The following GEM variants were observed in gnomAD, a reference collection of about 807,000 sequenced individuals.
The protein encoded by GEM is GTP binding protein overexpressed in skeletal muscle, also known as GTP-binding protein GEM.
In GEM, 31 loss-of-function variants were observed where a neutral mutation model predicts 33.0. The ratio of observed to expected loss-of-function variants is 0.94; its 90% CI spans 0.71 to 1.27. GEM has a LOEUF of 1.27. Ranked by LOEUF, GEM falls within the 50% of genes most tolerant of loss-of-function variation. The pLI is 0.00. For synonymous variants in GEM, 141 were observed against 143.7 expected (o/e 0.98, Z 0.13); for missense variants, 354 against 390.5 (o/e 0.91, Z 0.79).
chr8:94,261,158 A>T (rs75262089), intron 1 of GEM, among the ~76,000 whole-genome samples: 1 of 151,930 alleles, frequency 6.6e-6, no homozygotes, highest in Non-Finnish European at 1.5e-5. Context: ...GTAGGGGGGA[A>T]ATTTTCTGTT....
intron 4 of GEM, 90 bp downstream of exon 4, chr8:94,251,929 G>T: frequency 1.0e-6 from 1 of 978,128 alleles, no homozygotes; most frequent in Non-Finnish European, 1.6e-6. Flanking sequence ...CCTAGATCCA[G>T]CCTCGTGGAA....
chr8:94,253,357 G>A (rs1269224312), intron 2 of GEM, among the ~76,000 whole-genome samples: 1 of 152,160 alleles, frequency 6.6e-6, no homozygotes, highest in Admixed American at 6.5e-5. Flanking sequence ...AAACCACATG[G>A]AGTAAAAGGC....
chr8:94,252,310 A>C, intron 3 of GEM, 87 bp from the exon 4 acceptor site: 1 of 890,794 alleles, frequency 1.1e-6, no homozygotes, highest in African/African-American at 1.6e-5. Context: ...GTGTATCCTA[A>C]AGTACACTTG....
chr8:94,257,864 TA>T (rs763584978), intron 2 of GEM, among the ~76,000 whole-genome samples: 4,202 of 144,990 alleles, frequency 0.029, 179 homozygotes, highest in African/African-American at 0.094. Flanking sequence ...AATGCTGATT[TA>T]AAAAAAAAAA....
At chr8:94,259,669 T>A (rs1808973331) in intron 2 of GEM, 1 of 152,546 alleles carries the variant, frequency 6.6e-6, no homozygotes, top group South Asian at 2.1e-4. Flanking sequence ...CTTCACATTT[T>A]AAAAAATTAT....
rs1033309322 is a variant in GEM, at chr8:94,250,137, T to A, written c.*173A>T. ...TTCCTGGAAATAAATACTGACTTTT[T>A]ACAAAAATCTTTCATTTCCCATGCA... On this transcript the variant is annotated 3_prime_UTR_variant, in exon 5 of 5. Coordinates refer to ENST00000297596, the MANE Select transcript of GEM (RefSeq NM_005261.4). 9 of 602,322 alleles carry A rather than the reference T, an allele frequency of 1.5e-5. No individual in the cohort carries two copies. Among genetic ancestry groups the A allele is most frequent in the Middle Eastern group, 8.8e-4 (2 of 2,266 alleles). 37.3% of individuals were successfully genotyped at this position (602,322 alleles called of 1,614,324 possible). A position where few individuals can be genotyped will look rare whatever the true frequency, so the allele number is the denominator to read the frequency against.
intron 2 of GEM, among the ~76,000 whole-genome samples, chr8:94,255,010 ACT>A (rs764571997): frequency 1.3e-5 from 2 of 152,152 alleles, no homozygotes; most frequent in Non-Finnish European, 2.9e-5. Context: ...CGCAAGGGAG[ACT>A]GTCAGAGCCT....
Position 94,252,143 on chromosome 8 carries a change from C to T in GEM, c.489G>A (p.Ala163=), listed in dbSNP as rs762856348. 3.7e-6 allele frequency: 6 copies of T among 1,613,482 alleles called. No individual in the cohort carries two copies. The highest frequency in any genetic ancestry group is 2.2e-5 in the East Asian group (1 of 44,884). The change falls in exon 4 of 5, where the codon GCG becomes GCA. Residue 163 remains alanine, a synonymous_variant. Coordinates refer to ENST00000297596, the MANE Select transcript of GEM (RefSeq NM_005261.4). ...YLIVYSITDR[A]SFEKASELRI... ...GCAGCTCAGATGCCTTCTCGAAGCT[C>T]GCTCGGTCTGTGATTGAGTAGACAA...
chr8:94,252,739 T>C (rs1808806467), intron 3 of GEM, among the ~76,000 whole-genome samples: 1 of 152,202 alleles, frequency 6.6e-6, no homozygotes, highest in Non-Finnish European at 1.5e-5. Flanking sequence ...TGGATGTATG[T>C]TATTTAAAAT....
intron 1 of GEM, among the ~76,000 whole-genome samples, chr8:94,261,378 G>T (rs1231210795): frequency 6.6e-6 from 1 of 152,084 alleles, no homozygotes; most frequent in Non-Finnish European, 1.5e-5. Flanking sequence ...TCAGGGTCTT[G>T]CTCTGTCACC....
chr8:94,260,140 T>G (rs758462055), intron 2 of GEM, 33 bp downstream of exon 2: 2 of 1,423,562 alleles, frequency 1.4e-6, no homozygotes, highest in African/African-American at 2.8e-5. Flanking sequence ...CCACCCCTGG[T>G]GGAAAGAAGC....
At chr8:94,261,077 C>T (rs1809011993) in intron 1 of GEM, among the ~76,000 whole-genome samples, 1 of 152,154 alleles carries the variant, frequency 6.6e-6, no homozygotes, top group Non-Finnish European at 1.5e-5. Flanking sequence ...CTTATTGGAA[C>T]TTCCATGTTT....
intron 2 of GEM, among the ~76,000 whole-genome samples, chr8:94,255,061 C>T (rs1203034670): frequency 2.0e-5 from 3 of 152,136 alleles, no homozygotes; most frequent in East Asian, 3.9e-4. Flanking sequence ...TGCTGCTTCC[C>T]ACCACAGGGT....
chr8:94,260,029 T>C, intron 2 of GEM, 144 bp downstream of exon 2: 1 of 590,896 alleles, frequency 1.7e-6, no homozygotes, highest in East Asian at 2.7e-5. Context: ...GCTTGGGCTT[T>C]TCTAGAGACT....
chr8:94,253,433 G>A (rs1808821799), intron 2 of GEM, among the ~76,000 whole-genome samples: 1 of 152,140 alleles, frequency 6.6e-6, no homozygotes, highest in Admixed American at 6.5e-5. Flanking sequence ...ACTTACTCAA[G>A]AGCTTTTGAC....
chr8:94,249,932 C>G lies in GEM; in HGVS notation c.*378G>C, dbSNP rs1808724038. The G allele has an allele frequency of 5.9e-6, 1 of 170,706 alleles. No individual in the cohort carries two copies. Among genetic ancestry groups the G allele is most frequent in the Admixed American group, 6.2e-5 (1 of 16,030 alleles). 10.6% of individuals were successfully genotyped at this position (170,706 alleles called of 1,614,324 possible). A position where few individuals can be genotyped will look rare whatever the true frequency, so the allele number is the denominator to read the frequency against. On this transcript the variant is annotated 3_prime_UTR_variant, in exon 5 of 5. Coordinates refer to ENST00000297596, the MANE Select transcript of GEM (RefSeq NM_005261.4). ...ACAGCTTTCTTATATTTGTTTATGA[C>G]TCATTGGCCTCAAAGTCACATATCA... is the stretch of plus-strand genomic sequence containing the variant.
chr8:94,253,235 A>T (rs1808816810), intron 2 of GEM, 123 bp from the exon 3 acceptor site: 1 of 647,268 alleles, frequency 1.5e-6, no homozygotes, highest in Admixed American at 2.7e-5. Context: ...TTATGTAAGT[A>T]TACAGATATT....
In GEM at chr8:94,262,196, C is replaced by A. The variant is rs955347109; in HGVS notation, c.-116G>T. The stretch of plus-strand genomic sequence containing the variant: ...CTCTCCCTTCTCCGTCTCGGGCCGT[C>A]CCCCTTACTTGGCTCGGCCGGATCG... On this transcript the variant is annotated 5_prime_UTR_variant, in exon 1 of 5. Coordinates refer to ENST00000297596, the MANE Select transcript of GEM (RefSeq NM_005261.4). 6.6e-6 allele frequency: 1 copy of A among 152,286 alleles called. No homozygotes were observed. Among genetic ancestry groups the A allele is most frequent in the Non-Finnish European group, 1.5e-5 (1 of 68,086 alleles). The allele number at this position is 152,286 out of a possible 1,614,324, so 9.4% of individuals were successfully genotyped here. A position where few individuals can be genotyped will look rare whatever the true frequency, so the allele number is the denominator to read the frequency against.
chr8:94,257,515 A>C (rs1808916122), intron 2 of GEM, among the ~76,000 whole-genome samples: 1 of 152,144 alleles, frequency 6.6e-6, no homozygotes, highest in African/African-American at 2.4e-5. Flanking sequence ...AGTCAGAGGT[A>C]ATCTTTTCGC....
Sources: gnomAD v4.1 joint callset for allele counts (sites outside exome capture counted in the v4.1 genomes callset) on GRCh38, gnomAD v4.1.1 for gene constraint, MANE v1.5 for transcripts, NCBI Gene and HGNC (gene_info 2026-07-23, HGNC 2026-07-21) for gene names.